The following SGCZ variants were observed in gnomAD, a reference collection of about 807,000 sequenced individuals.
SGCZ encodes the protein zeta-sarcoglycan.
In SGCZ, 40 loss-of-function variants were observed where a neutral mutation model predicts 41.3. That is an observed-to-expected ratio of 0.97 (90% CI 0.75 to 1.26). The LOEUF is 1.26. Ranked by LOEUF, SGCZ falls within the 50% of genes most tolerant of loss-of-function variation. SGCZ has a pLI of 0.00. For missense variants in SGCZ, 552 were observed against 369.8 expected, an observed-to-expected ratio of 1.49 and a Z score of -4.04; for synonymous variants, 206 against 137.5, an observed-to-expected ratio of 1.50 and a Z score of -3.49.
chr8:14,593,904 G>A (rs1461912912), intron 1 of SGCZ, among the ~76,000 whole-genome samples: 2 of 152,178 alleles, frequency 1.3e-5, no homozygotes, highest in East Asian at 1.9e-4. Flanking sequence ...GGCAGGTGCC[G>A]TGGCTCATGC....
intron 2 of SGCZ, among the ~76,000 whole-genome samples, chr8:14,493,811 CCGT>C (rs1801913971): frequency 6.6e-6 from 1 of 152,000 alleles, no homozygotes; most frequent in African/African-American, 2.4e-5. Flanking sequence ...TAACTTTCCT[CCGT>C]AGTGGGATTA....
intron 1 of SGCZ, among the ~76,000 whole-genome samples, chr8:15,008,938 T>C (rs1802721458): frequency 6.6e-6 from 1 of 152,124 alleles, no homozygotes; most frequent in African/African-American, 2.4e-5. Context: ...GTTAATAACA[T>C]ACACAAACAC....
chr8:14,321,528 C>T (rs933019708), intron 3 of SGCZ, among the ~76,000 whole-genome samples: 1 of 134,070 alleles, frequency 7.5e-6, no homozygotes, highest in Admixed American at 7.2e-5. Flanking sequence ...GGACTAAAGG[C>T]CTGTACAACC....
chr8:14,969,463 C>G (rs1293752976), intron 1 of SGCZ, among the ~76,000 whole-genome samples: 1 of 152,084 alleles, frequency 6.6e-6, no homozygotes, highest in Non-Finnish European at 1.5e-5. Context: ...TCACCACAAT[C>G]TAGAAAATCC....
chr8:14,743,821 T>C (rs1200568888), intron 1 of SGCZ, among the ~76,000 whole-genome samples: 4 of 152,102 alleles, frequency 2.6e-5, no homozygotes, highest in Non-Finnish European at 5.9e-5. Flanking sequence ...ATCATGCTCA[T>C]GTACTAAAAA....
At position 14,575,645 on chromosome 8, in the gene SGCZ, G is replaced by A. The variant is rs150633207; in HGVS notation, c.40-20719C>T. 4.5e-3 allele frequency among the ~76,000 whole-genome samples: 687 copies of A among 152,154 alleles called. 8 individuals carry two copies. The highest frequency in any genetic ancestry group is 0.016 in the African/African-American group (647 of 41,520). ...TTGAGGGCCAGGCACAGTGGTGTACGCCTGTAATCCTGGCACTTTGGGAGG... is the reference window on the plus strand; with the variant it reads ...TTGAGGGCCAGGCACAGTGGTGTACACCTGTAATCCTGGCACTTTGGGAGG... On this transcript the variant is annotated intron_variant, in intron 1 of 7. Transcript: ENST00000382080.
chr8:14,405,758 T>A (rs1294773988), intron 2 of SGCZ, among the ~76,000 whole-genome samples: 19 of 152,242 alleles, frequency 1.2e-4, no homozygotes. Context: ...GTATGTCATA[T>A]AATTTTTCAC....
chr8:14,470,412 T>C (rs1172731449), intron 2 of SGCZ, among the ~76,000 whole-genome samples: 9 of 152,176 alleles, frequency 5.9e-5, no homozygotes, highest in Admixed American at 3.9e-4. Flanking sequence ...ATGAGGTAGA[T>C]GCTATTATTA....
At chr8:15,044,367 T>G (rs1804224288) in intron 1 of SGCZ, among the ~76,000 whole-genome samples, 1 of 152,128 alleles carries the variant, frequency 6.6e-6, no homozygotes, top group African/African-American at 2.4e-5. Flanking sequence ...GCTTATTAAC[T>G]GCCCCAGTGA....
intron 3 of SGCZ, among the ~76,000 whole-genome samples, chr8:14,258,923 G>C (rs999968607): frequency 6.6e-6 from 1 of 152,134 alleles, no homozygotes; most frequent in African/African-American, 2.4e-5. Flanking sequence ...AAATTATGTA[G>C]CATACAGGCA....
intron 1 of SGCZ, chr8:14,879,781 G>C (rs927467814): frequency 8.0e-5 from 12 of 150,786 alleles, no homozygotes; most frequent in African/African-American, 2.2e-4. Context: ...TCTACCAACA[G>C]TGCAGCTGTA....
intron 5 of SGCZ, among the ~76,000 whole-genome samples, chr8:14,108,492 C>A (rs561427709): frequency 6.6e-6 from 1 of 152,078 alleles, no homozygotes; most frequent in Non-Finnish European, 1.5e-5. Flanking sequence ...CTTCATACAT[C>A]GCGGTGGCAA....
intron 1 of SGCZ, among the ~76,000 whole-genome samples, chr8:15,110,262 T>A (rs970542890): frequency 6.6e-6 from 1 of 152,138 alleles, no homozygotes; most frequent in African/African-American, 2.4e-5. Context: ...AACTCCACCA[T>A]TGCATCAAAA....
Position 14,270,812 on chromosome 8 carries a change from A to G in SGCZ, c.337-33133T>C, listed in dbSNP as rs374717239. ...GAACCAACCCAAATGTCCAACAATG[A>G]TATAGACTGGATTAAGAAAATGTGG... On this transcript the variant is annotated intron_variant, in intron 3 of 7. Coordinates refer to ENST00000382080, the MANE Select transcript of SGCZ (RefSeq NM_139167.4). 4.6e-5 allele frequency among the ~76,000 whole-genome samples: 7 copies of G among 152,244 alleles called. No individual in the cohort carries two copies. The East Asian group carries it at 1.2e-3, about 25-fold the overall frequency.
chr8:14,928,372 CTCT>C (rs1799825470), intron 1 of SGCZ, among the ~76,000 whole-genome samples: 1 of 150,562 alleles, frequency 6.6e-6, no homozygotes, highest in Non-Finnish European at 1.5e-5. Flanking sequence ...AGTGTGGTTA[CTCT>C]TCTTACATTC....
At chr8:14,592,941 C>T (rs1039651543) in intron 1 of SGCZ, among the ~76,000 whole-genome samples, 16 of 152,294 alleles carry the variant, frequency 1.1e-4, no homozygotes, top group African/African-American at 3.8e-4. Flanking sequence ...ATATTTCAGA[C>T]ATCAGTTTCT....
chr8:15,152,007 A>C (rs1268946557), intron 1 of SGCZ, among the ~76,000 whole-genome samples: 1 of 152,244 alleles, frequency 6.6e-6, no homozygotes, highest in Non-Finnish European at 1.5e-5. Context: ...AACTGTGGTT[A>C]AGCAAAGGTT....
chr8:14,667,218 T>C (rs1238645107), intron 1 of SGCZ, among the ~76,000 whole-genome samples: 2 of 152,166 alleles, frequency 1.3e-5, no homozygotes, highest in Admixed American at 1.3e-4. Context: ...AGGGCATCAA[T>C]TCCTAAACTA....
intron 1 of SGCZ, among the ~76,000 whole-genome samples, chr8:15,221,723 A>C (rs1801610238): frequency 6.6e-6 from 1 of 152,162 alleles, no homozygotes; most frequent in South Asian, 2.1e-4. Flanking sequence ...CCCGAAACCT[A>C]AGTCCATTTT....
Sources: allele counts gnomAD v4.1 joint callset (sites outside exome capture counted in the v4.1 genomes callset), GRCh38; gene constraint gnomAD v4.1.1; transcripts MANE v1.5; gene names NCBI Gene and HGNC (gene_info 2026-07-23, HGNC 2026-07-21).